Variants in SNRPN observed in about 807,000 individuals in gnomAD.
The protein encoded by SNRPN is small nuclear ribonucleoprotein polypeptide N, also known as small nuclear ribonucleoprotein-associated protein N.
In SNRPN, 7 loss-of-function variants were observed where a neutral mutation model predicts 25.2. The observed-to-expected ratio is 0.28, with a 90% CI of 0.16 to 0.52. The LOEUF is 0.52. Ranked by LOEUF, SNRPN falls within the 20% of genes least tolerant of loss-of-function variation. The pLI, the probability that SNRPN is intolerant of heterozygous loss-of-function variation, is 0.96. For synonymous variants in SNRPN, 124 were observed against 110.6 expected, an observed-to-expected ratio of 1.12 and a Z score of -0.76; for missense variants, 196 against 322.5, an observed-to-expected ratio of 0.61 and a Z score of 3.00.
chr15:24,922,695 GTATT>G (rs1196764224), intron 3 of SNRPN, among the ~76,000 whole-genome samples: 2 of 151,750 alleles, frequency 1.3e-5, no homozygotes, highest in East Asian at 1.9e-4. Context: ...TGCATTTTCT[GTATT>G]TATCCATGTT....
At chr15:24,970,057 T>C (rs2076204810) in intron 3 of SNRPN, among the ~76,000 whole-genome samples, 1 of 152,192 alleles carries the variant, frequency 6.6e-6, no homozygotes, top group South Asian at 2.1e-4. Context: ...CCAGTCAATA[T>C]AGTCATAATG....
chr15:24,858,294 C>A (rs1021255488), intron 1 of SNRPN, among the ~76,000 whole-genome samples: 3 of 152,030 alleles, frequency 2.0e-5, no homozygotes, highest in Admixed American at 6.6e-5. Context: ...TCCTGAAGTT[C>A]GCGGGGAATG....
chr15:24,842,178 C>G (rs1254219662), intron 2 of SNRPN, among the ~76,000 whole-genome samples: 1 of 152,122 alleles, frequency 6.6e-6, no homozygotes, highest in Non-Finnish European at 1.5e-5. Flanking sequence ...GAACCTTACC[C>G]ACTGCACCAA....
At chr15:24,909,797 T>G (rs1345054822) in intron 2 of SNRPN, 2 of 1,279,514 alleles carry the variant, frequency 1.6e-6, no homozygotes, top group Non-Finnish European at 2.2e-6. Flanking sequence ...AAAGTAGGCC[T>G]TATTCTTAAC....
chr15:24,892,607 C>CTTG (rs1414376110), intron 2 of SNRPN, among the ~76,000 whole-genome samples: 77 of 151,628 alleles, frequency 5.1e-4, no homozygotes, highest in South Asian at 8.3e-4. Flanking sequence ...TGTGGTGGCA[C>CTTG]ATGCCTGTAA....
upstream of SNRPN, among the ~76,000 whole-genome samples, chr15:24,853,998 G>A (rs1436114585): frequency 6.6e-6 from 1 of 151,464 alleles, no homozygotes; most frequent in Non-Finnish European, 1.5e-5. Flanking sequence ...TCCTCCATTT[G>A]TTTTATATAT....
chr15:24,978,585 G>T lies in SNRPN; in HGVS notation c.*141G>T. 1.3e-6 allele frequency: 1 copy of T among 792,446 alleles called. No individual in the cohort carries two copies. The highest frequency in any genetic ancestry group is 2.1e-6 in the Non-Finnish European group (1 of 470,964). The allele number at this position is 792,446 out of a possible 1,614,324, so 49.1% of individuals were successfully genotyped here. A position where few individuals can be genotyped will look rare whatever the true frequency, so the allele number is the denominator to read the frequency against. The stretch of plus-strand genomic sequence containing the variant: ...ATGCATAGAGCAATTAAACTGTGAG[G>T]TACTGTTGTATATATTTTTTTGCCT... On this transcript the variant is annotated 3_prime_UTR_variant, in exon 10 of 10. Coordinates refer to ENST00000390687, the MANE Select transcript of SNRPN (RefSeq NM_003097.6).
At chr15:24,972,991 G>A (rs924758544) in intron 3 of SNRPN, among the ~76,000 whole-genome samples, 6 of 152,244 alleles carry the variant, frequency 3.9e-5, no homozygotes, top group South Asian at 2.1e-4. Flanking sequence ...GGTTTCAAGC[G>A]ATTCTCCTGC....
At chr15:24,905,874 A>T (rs2058767402) in intron 2 of SNRPN, among the ~76,000 whole-genome samples, 1 of 152,216 alleles carries the variant, frequency 6.6e-6, no homozygotes, top group African/African-American at 2.4e-5. Flanking sequence ...GATTACATCC[A>T]GTGTTCTGGT....
At chr15:24,931,063 G>C (rs2060821445) in intron 3 of SNRPN, among the ~76,000 whole-genome samples, 1 of 151,930 alleles carries the variant, frequency 6.6e-6, no homozygotes. Context: ...AAACAAAAAA[G>C]TGAGCTTTAA....
chr15:24,978,446 A>G lies in SNRPN; in HGVS notation c.*2A>G, dbSNP rs1343994265. 1.9e-6 allele frequency: 3 copies of G among 1,613,334 alleles called. No homozygotes were observed. The highest frequency in any genetic ancestry group is 2.5e-6 in the Non-Finnish European group (3 of 1,179,720). ...GGAATGCGTCCACCAAGACCTTAGC[A>G]TACTGTTGATCCATCTCAGTCACTT... On this transcript the variant is annotated 3_prime_UTR_variant, in exon 10 of 10. Transcript: ENST00000390687.
chr15:24,907,276 A>G (rs1422119028), intron 2 of SNRPN, among the ~76,000 whole-genome samples: 1 of 152,144 alleles, frequency 6.6e-6, no homozygotes, highest in Non-Finnish European at 1.5e-5. Context: ...CCCCACTGCT[A>G]TGGTTCTAAT....
intron 1 of SNRPN, among the ~76,000 whole-genome samples, chr15:24,882,702 G>A (rs1175599890): frequency 6.6e-6 from 1 of 151,814 alleles, no homozygotes. Flanking sequence ...GTGCACATCT[G>A]TAATCCCAGC....
chr15:24,920,997 G>A (rs2059993811), intron 3 of SNRPN, among the ~76,000 whole-genome samples: 1 of 152,022 alleles, frequency 6.6e-6, no homozygotes, highest in Non-Finnish European at 1.5e-5. Context: ...TGCTGGAGGT[G>A]TATGATATTT....
intron 1 of SNRPN, among the ~76,000 whole-genome samples, chr15:24,883,070 A>G (rs1273940275): frequency 1.3e-5 from 2 of 152,138 alleles, no homozygotes; most frequent in Non-Finnish European, 2.9e-5. Context: ...TTCAGTTTCT[A>G]CTGAATGCTT....
chr15:24,837,415 T>C (rs1025691828), intron 2 of SNRPN, among the ~76,000 whole-genome samples: 5 of 151,400 alleles, frequency 3.3e-5, no homozygotes, highest in African/African-American at 4.9e-5. Flanking sequence ...TAGCCCAGGC[T>C]GGAGTGCAGT....
Position 24,927,475 on chromosome 15 carries a change from A to ATTTTTTTTTTTTTTTT in SNRPN, c.-391+7351_-391+7352insTTTTTTTTTTTTTTTT, listed in dbSNP as rs1566921436. ...TTTCCCACTGCTTATAAAGTTTTTAAATTTTTTTTTTTTTTTTTTTTTTTT... is the reference window on the plus strand; with the variant it reads ...TTTCCCACTGCTTATAAAGTTTTTAATTTTTTTTTTTTTTTTATTTTTTTTTTTTTTTTTTTTTTTT... On this transcript the variant is annotated intron_variant, in intron 3 of 11. Coordinates refer to the SNRPN transcript ENST00000400097. 1.3e-3 allele frequency among the ~76,000 whole-genome samples: 146 copies of ATTTTTTTTTTTTTTTT among 113,318 alleles called. 34 individuals are homozygous for ATTTTTTTTTTTTTTTT. Among genetic ancestry groups the ATTTTTTTTTTTTTTTT allele is most frequent in the East Asian group, 4.2e-3 (14 of 3,296 alleles). The allele number at this position is 113,318 out of a possible 152,430, so 74.3% of individuals were successfully genotyped here. A position where few individuals can be genotyped will look rare whatever the true frequency, so the allele number is the denominator to read the frequency against.
At chr15:24,836,972 G>T (rs1390175364) in intron 2 of SNRPN, among the ~76,000 whole-genome samples, 2 of 152,090 alleles carry the variant, frequency 1.3e-5, no homozygotes, top group Non-Finnish European at 1.5e-5. Flanking sequence ...CTTCAGGAGA[G>T]AAGAGGTGGG....
chr15:24,878,427 T>C (rs1158051292), intron 1 of SNRPN, among the ~76,000 whole-genome samples: 1 of 152,242 alleles, frequency 6.6e-6, no homozygotes, highest in Non-Finnish European at 1.5e-5. Flanking sequence ...TCGGCGCGCC[T>C]GCACAGCGCA....
Sources: gnomAD v4.1 joint callset for allele counts (sites outside exome capture counted in the v4.1 genomes callset) on GRCh38, gnomAD v4.1.1 for gene constraint, MANE v1.5 for transcripts, NCBI Gene and HGNC (gene_info 2026-07-23, HGNC 2026-07-21) for gene names.